Variants in CXXC5 observed in about 807,000 individuals in gnomAD.
The protein encoded by CXXC5 is CXXC finger protein 5.
A neutral mutation model predicts 17.6 loss-of-function variants in CXXC5; 2 were observed. The ratio of observed to expected loss-of-function variants is 0.11; its 90% CI spans 0.05 to 0.36. The LOEUF (loss-of-function observed/expected upper bound fraction) is 0.36, where lower values mean the gene tolerates loss of function less well. CXXC5 is among the 10% of genes least tolerant of loss of function. CXXC5 has a pLI of 1.00. For synonymous variants in CXXC5, 171 were observed against 193.0 expected (o/e 0.89, Z 0.94); for missense variants, 343 against 458.3 (o/e 0.75, Z 2.30).
rs114713454 is a variant in CXXC5 at position 139,650,114 on chromosome 5, G to A, written c.-161+1269G>A. Among the ~76,000 whole-genome samples the A allele has an allele frequency of 3.1e-3, 477 of 152,330 alleles. 4 individuals are homozygous for A. Among genetic ancestry groups the A allele is most frequent in the African/African-American group, 9.7e-3 (402 of 41,578 alleles). On this transcript the variant is annotated intron_variant, in intron 1 of 2. Transcript: ENST00000302517. ...TTCCCCCCCGGGAATCTGAAGGGGT[G>A]CGCGGAGTTGGGCTGGTGCCTCGGG...
In CXXC5 at chr5:139,680,457, C is replaced by A; in HGVS notation, c.-67C>A. On this transcript the variant is annotated 5_prime_UTR_variant, in exon 2 of 3. Transcript: ENST00000302517. ...TCTGTTGTGGGCAGCAGGGCCAGGT[C>A]CTGGTCTGTGGACCCTCGGCAGTTG... 6.7e-7 allele frequency: 1 copy of A among 1,498,506 alleles called. No homozygotes were observed. The highest frequency in any genetic ancestry group is 1.3e-5 in the South Asian group (1 of 75,184). 92.8% of individuals were successfully genotyped at this position (1,498,506 alleles called of 1,614,324 possible).
intron 1 of CXXC5, among the ~76,000 whole-genome samples, chr5:139,673,151 T>C (rs1407286110): frequency 6.6e-6 from 1 of 152,128 alleles, no homozygotes; most frequent in Non-Finnish European, 1.5e-5. Context: ...CTTAAGCAAA[T>C]TGCCTGCTCT....
intron 1 of CXXC5, chr5:139,659,740 G>C (rs1463221745): frequency 6.6e-6 from 1 of 152,268 alleles, no homozygotes; most frequent in African/African-American, 2.4e-5. Context: ...GCCCCGCCTG[G>C]GCTGGCTCTC....
At chr5:139,665,218 C>T (rs1017109849) in intron 1 of CXXC5, among the ~76,000 whole-genome samples, 2 of 152,386 alleles carry the variant, frequency 1.3e-5, no homozygotes, top group South Asian at 2.1e-4. Flanking sequence ...TCCCTCTCTG[C>T]GCCTGTGTGT....
intron 1 of CXXC5, among the ~76,000 whole-genome samples, chr5:139,673,852 A>AG (rs1554084634): frequency 1.0e-3 from 68 of 67,630 alleles, no homozygotes; most frequent in African/African-American, 1.5e-3. Context: ...AAAAAAAAAA[A>AG]AAAGAGAGAG....
intron 1 of CXXC5, among the ~76,000 whole-genome samples, chr5:139,662,290 T>C (rs1186291110): frequency 1.3e-5 from 2 of 152,168 alleles, no homozygotes; most frequent in East Asian, 3.8e-4. Flanking sequence ...GGTACAGAGC[T>C]GGCTTATGTA....
intron 1 of CXXC5, among the ~76,000 whole-genome samples, chr5:139,672,720 G>A (rs1756553877): frequency 6.6e-6 from 1 of 152,162 alleles, no homozygotes; most frequent in African/African-American, 2.4e-5. Flanking sequence ...GCAGTAGTTT[G>A]GGGTGAGAAG....
In CXXC5 at chr5:139,661,236, G is replaced by A. The variant is rs926590428; in HGVS notation, c.-161+12391G>A. Among the ~76,000 whole-genome samples, 4 of 152,168 alleles carry A rather than the reference G, an allele frequency of 2.6e-5. No homozygotes were observed. In the South Asian group the frequency reaches 6.2e-4, roughly 24 times the overall value. Reference sequence around the variant, plus strand: ...CCCAGCAGAGCAGGGTGAGCTGGGCGGGCGGGCGGCAGGATTAGCTCAGGA... The same window carrying A: ...CCCAGCAGAGCAGGGTGAGCTGGGCAGGCGGGCGGCAGGATTAGCTCAGGA... On this transcript the variant is annotated intron_variant, in intron 1 of 2. Transcript: ENST00000302517. The surrounding 1 kb of genome is among the most constrained non-coding windows in gnomAD (Gnocchi z 4.7).
At position 139,663,206 on chromosome 5, in the gene CXXC5, TATC is replaced by T. The variant is rs1482320337; in HGVS notation, c.-161+14363_-161+14365del. On this transcript the variant is annotated intron_variant, in intron 1 of 2. Coordinates refer to ENST00000302517, the MANE Select transcript of CXXC5 (RefSeq NM_016463.9). The surrounding 1 kb of genome is among the most constrained non-coding windows in gnomAD (Gnocchi z 4.2). ...GTGGAAAATCCTGGAGGCTTCCTAA[TATC>T]AGAGGGAGCAGAGAGAGCCGACTGT... 1.3e-5 allele frequency among the ~76,000 whole-genome samples: 2 copies of T among 152,102 alleles called. No homozygotes were observed. Among genetic ancestry groups the T allele is most frequent in the Non-Finnish European group, 1.5e-5 (1 of 68,014 alleles).
chr5:139,670,442 G>A lies in CXXC5; in HGVS notation c.-160-9922G>A, dbSNP rs1756397029. ...AACCAGCCCCCACCACAGCCCAGGT[G>A]CACCTGTGGGCAGCTTCCTGTTTCC... On this transcript the variant is annotated intron_variant, in intron 1 of 2. Transcript: ENST00000302517. The surrounding 1 kb of genome is among the most constrained non-coding windows in gnomAD (Gnocchi z 4.2). Among the ~76,000 whole-genome samples, 1 of 152,156 alleles carries A rather than the reference G, an allele frequency of 6.6e-6. No homozygotes were observed.
In CXXC5 at chr5:139,680,521, A is replaced by G. The variant is rs955630498; in HGVS notation, c.-3A>G. On this transcript the variant is annotated 5_prime_UTR_variant, in exon 2 of 3. Transcript: ENST00000302517. ...GCAGTGGGGTCTGGGCCTCGGCCCC[A>G]CCATGTCGAGCCTCGGCGGTGGCTC... The G allele has an allele frequency of 6.4e-7, 1 of 1,553,248 alleles. No homozygotes were observed. Among genetic ancestry groups the G allele is most frequent in the Non-Finnish European group, 8.7e-7 (1 of 1,150,450 alleles).
chr5:139,675,088 C>T (rs1286012505), intron 1 of CXXC5, among the ~76,000 whole-genome samples: 1 of 152,188 alleles, frequency 6.6e-6, no homozygotes, highest in Non-Finnish European at 1.5e-5. Flanking sequence ...TGACTGTGGG[C>T]CCAGCTCCTG....
At chr5:139,655,695 G>A (rs1166123575) in intron 1 of CXXC5, among the ~76,000 whole-genome samples, 3 of 151,856 alleles carry the variant, frequency 2.0e-5, no homozygotes, top group Non-Finnish European at 2.9e-5. Context: ...AACAGAAACC[G>A]CGGCAACTGG....
In CXXC5 at chr5:139,654,172, C is replaced by T. The variant is rs543557081; in HGVS notation, c.-161+5327C>T. ...CAGTTGCCATCTCCCCAACCCCCCA[C>T]GGCAGTTGTGACCTTGTTTTTGACC... On this transcript the variant is annotated intron_variant, in intron 1 of 2. Transcript: ENST00000302517. Among the ~76,000 whole-genome samples, 10 of 151,374 alleles carry T rather than the reference C, an allele frequency of 6.6e-5. No homozygotes were observed. The East Asian group carries it at 1.5e-3, about 23-fold the overall frequency.
At chr5:139,652,070 A>C (rs1477326491) in intron 1 of CXXC5, among the ~76,000 whole-genome samples, 4 of 150,306 alleles carry the variant, frequency 2.7e-5, no homozygotes, top group Non-Finnish European at 3.0e-5. Context: ...TGGGGCCCTG[A>C]TTGGGGCTTT....
At position 139,648,793 on chromosome 5, in the gene CXXC5, C is replaced by A; in HGVS notation, c.-213C>A. 6.5e-6 allele frequency: 1 copy of A among 152,984 alleles called. No individual in the cohort carries two copies. The highest frequency in any genetic ancestry group is 2.0e-4 in the South Asian group (1 of 5,108). 9.5% of individuals were successfully genotyped at this position (152,984 alleles called of 1,614,324 possible). ...CGCAGCTCCCTGCCCCGCCCCTCCC[C>A]CTCGGCCTCGCGGCGACGGCGGCGG... On this transcript the variant is annotated 5_prime_UTR_variant, in exon 1 of 3. Coordinates refer to ENST00000302517, the MANE Select transcript of CXXC5 (RefSeq NM_016463.9).
intron 1 of CXXC5, chr5:139,679,775 C>T (rs989643258): frequency 3.3e-5 from 5 of 152,324 alleles, no homozygotes; most frequent in Admixed American, 1.3e-4. Context: ...AGTCCTCCCA[C>T]CTCAGCCTCC....
At chr5:139,649,900 C>G (rs912384953) in intron 1 of CXXC5, among the ~76,000 whole-genome samples, 1 of 152,132 alleles carries the variant, frequency 6.6e-6, no homozygotes, top group Non-Finnish European at 1.5e-5. Context: ...AATTTTCTGG[C>G]TGGGGGAAGT....
intron 1 of CXXC5, among the ~76,000 whole-genome samples, chr5:139,660,659 G>T (rs1755747126): frequency 6.6e-6 from 1 of 151,824 alleles, no homozygotes; most frequent in Non-Finnish European, 1.5e-5. Flanking sequence ...GTCACACAGT[G>T]GGCTCCTCAG....
Sources: gnomAD v4.1 joint callset for allele counts (sites outside exome capture counted in the v4.1 genomes callset) on GRCh38, gnomAD v4.1.1 for gene constraint, Gnocchi (gnomAD v3.1) non-coding constraint, MANE v1.5 for transcripts, NCBI Gene and HGNC (gene_info 2026-07-23, HGNC 2026-07-21) for gene names.